Variants in ASIC2 observed in about 807,000 individuals in gnomAD.
ASIC2 encodes the protein acid-sensing ion channel 2.
In ASIC2, 25 loss-of-function variants were observed where a neutral mutation model predicts 57.3. The ratio of observed to expected loss-of-function variants is 0.44; its 90% CI spans 0.32 to 0.61. ASIC2 has a LOEUF of 0.61. Ranked by LOEUF, ASIC2 falls within the 20% of genes least tolerant of loss-of-function variation. The probability of loss-of-function intolerance (pLI) is 0.06; values close to 1 mark genes in which losing one functional copy is unlikely to be tolerated. For synonymous variants in ASIC2, 319 were observed against 307.5 expected (o/e 1.04, Z -0.39); for missense variants, 641 against 738.1 (o/e 0.87, Z 1.52).
chr17:34,031,973 C>G (rs991783068), intron 1 of ASIC2, among the ~76,000 whole-genome samples: 1 of 152,112 alleles, frequency 6.6e-6, no homozygotes, highest in African/African-American at 2.4e-5. Context: ...CCCAATCTAG[C>G]AAGGCAGACC....
chr17:33,667,131 G>A (rs905749823), intron 1 of ASIC2, among the ~76,000 whole-genome samples: 1 of 152,274 alleles, frequency 6.6e-6, no homozygotes, highest in African/African-American at 2.4e-5. Flanking sequence ...AGATAAGAAC[G>A]ATTCTAAATC....
chr17:33,935,109 C>A (rs1916031655), intron 1 of ASIC2, among the ~76,000 whole-genome samples: 1 of 152,248 alleles, frequency 6.6e-6, no homozygotes, highest in African/African-American at 2.4e-5. Context: ...GCATGCTTGC[C>A]CTGCCCCAAA....
rs1338313844 is a variant in ASIC2, at chr17:33,291,497, A to G, written c.619T>C (p.Phe207Leu). The G allele has an allele frequency of 1.9e-6, 3 of 1,612,718 alleles. No individual in the cohort carries two copies. The highest frequency in any genetic ancestry group is 2.5e-6 in the Non-Finnish European group (3 of 1,179,790). Residue 207 changes from phenylalanine (F) to leucine (L), a missense_variant, in exon 1 of 10, where the codon TTC (phenylalanine) becomes CTC (leucine). Phe to Leu is a conservative substitution (Grantham distance 22). This residue lies in a region of ASIC2 where 382 missense variants were observed against 398.0 expected (regional missense o/e 0.96). Coordinates refer to ENST00000225823, the MANE Select transcript of ASIC2 (RefSeq NM_183377.2). ...AGCTGGTGGCCCAGGCGGTCCATGAAGGCGGCGCTGATTCCCTCGAAGTGG... is the reference window on the plus strand; with the variant it reads ...AGCTGGTGGCCCAGGCGGTCCATGAGGGCGGCGCTGATTCCCTCGAAGTGG... The part of the protein sequence containing the change: ...PRHFEGISAA[F>L]MDRLGHQLED...
At chr17:33,481,096 A>G (rs1768549332) in intron 1 of ASIC2, among the ~76,000 whole-genome samples, 3 of 152,188 alleles carry the variant, frequency 2.0e-5, no homozygotes, top group Non-Finnish European at 4.4e-5. Flanking sequence ...CCTGTCCTGC[A>G]AAGTGCCCAT....
At chr17:33,369,782 C>T (rs1048738337) in intron 1 of ASIC2, among the ~76,000 whole-genome samples, 5 of 152,162 alleles carry the variant, frequency 3.3e-5, no homozygotes, top group Non-Finnish European at 5.9e-5. Flanking sequence ...TCCATTAGAG[C>T]ATGATTACTA....
intron 1 of ASIC2, among the ~76,000 whole-genome samples, chr17:33,571,215 C>T (rs1454632236): frequency 2.0e-5 from 3 of 152,148 alleles, no homozygotes; most frequent in Non-Finnish European, 2.9e-5. Context: ...TAGATCATCT[C>T]GACTCTCCTA....
intron 1 of ASIC2, among the ~76,000 whole-genome samples, chr17:33,694,012 A>T (rs1908452889): frequency 6.6e-6 from 1 of 152,298 alleles, no homozygotes; most frequent in African/African-American, 2.4e-5. Context: ...ATTTCCTTTG[A>T]CCATGCTACT....
intron 1 of ASIC2, among the ~76,000 whole-genome samples, chr17:33,716,681 A>G (rs2142080412): frequency 6.6e-6 from 1 of 152,254 alleles, no homozygotes. Context: ...GTCTGTTTGA[A>G]TATCATTTTA....
chr17:33,291,983 C>G lies in ASIC2; in HGVS notation c.133G>C (p.Glu45Gln). 2.3e-6 allele frequency: 3 copies of G among 1,291,718 alleles called. No individual in the cohort carries two copies. Among genetic ancestry groups the G allele is most frequent in the Admixed American group, 4.1e-5 (1 of 24,426 alleles). 80.0% of individuals were successfully genotyped at this position (1,291,718 alleles called of 1,614,324 possible). Residue 45 changes from glutamate (E) to glutamine (Q), a missense_variant, in exon 1 of 10, where the codon GAG (glutamate) becomes CAG (glutamine). By Grantham distance (29) the Glu-to-Gln change is conservative (BLOSUM62 2). Coordinates refer to ENST00000225823, the MANE Select transcript of ASIC2 (RefSeq NM_183377.2). The part of the protein sequence containing the change: ...AGQPGGGRGG[E>Q]RALQGPGVAR... ...ACCCCTGGCCCCTGCAGCGCCCGCT[C>G]GCCGCCTCTGCCGCCCCCGGGCTGC...
chr17:33,966,144 G>A (rs1905067236), intron 1 of ASIC2, among the ~76,000 whole-genome samples: 1 of 152,196 alleles, frequency 6.6e-6, no homozygotes, highest in Non-Finnish European at 1.5e-5. Context: ...GTGTTCCCTG[G>A]TCTCCATCTG....
At chr17:33,401,459 G>C (rs1338754030) in intron 1 of ASIC2, among the ~76,000 whole-genome samples, 1 of 151,900 alleles carries the variant, frequency 6.6e-6, no homozygotes, top group African/African-American at 2.4e-5. Flanking sequence ...CTCCCCTCCT[G>C]CCCTCCTTTG....
rs527269442 is a variant in ASIC2, at chr17:33,687,067, G to A, written c.555+468911C>T. Reference sequence around the variant, plus strand: ...TTGACTGTGTGTCCTTCGATGAGTGGCTTAGCATCTCTGGGTCTCAGTTTT... The same window carrying A: ...TTGACTGTGTGTCCTTCGATGAGTGACTTAGCATCTCTGGGTCTCAGTTTT... On this transcript the variant is annotated intron_variant, in intron 1 of 9. Transcript: ENST00000359872. Among the ~76,000 whole-genome samples, 14 of 152,200 alleles carry A rather than the reference G, an allele frequency of 9.2e-5. No individual in the cohort carries two copies. The South Asian group carries it at 1.0e-3, about 11-fold the overall frequency.
At chr17:33,344,681 T>G (rs1463961368) in intron 1 of ASIC2, among the ~76,000 whole-genome samples, 4 of 152,196 alleles carry the variant, frequency 2.6e-5, no homozygotes, top group Non-Finnish European at 2.9e-5. Context: ...TTGTTTATAG[T>G]AGATCTCTCT....
At chr17:33,386,790 A>G (rs1857738) in intron 1 of ASIC2, among the ~76,000 whole-genome samples, 145,434 of 152,246 alleles carry the variant, frequency 0.96, 69,535 homozygotes, top group East Asian at 0.98. Flanking sequence ...CATTTACTGC[A>G]TGACTCGCAG....
chr17:33,058,379 G>A (rs555968780), intron 3 of ASIC2, among the ~76,000 whole-genome samples: 2 of 145,246 alleles, frequency 1.4e-5, no homozygotes, highest in Admixed American at 7.1e-5. Flanking sequence ...TTATTTTTTA[G>A]CAAGCCAACT....
intron 1 of ASIC2, chr17:34,039,853 C>G (rs377200924): frequency 6.2e-7 from 1 of 1,605,520 alleles, no homozygotes; most frequent in African/African-American, 1.3e-5. Context: ...TGGGTCCAGG[C>G]TATGCAATTC....
At chr17:33,110,285 C>A (rs2092251836) in intron 2 of ASIC2, among the ~76,000 whole-genome samples, 1 of 152,184 alleles carries the variant, frequency 6.6e-6, no homozygotes, top group Non-Finnish European at 1.5e-5. Context: ...AGACTCCACC[C>A]CCTGGACTCC....
intron 1 of ASIC2, among the ~76,000 whole-genome samples, chr17:33,373,528 A>C (rs1909164158): frequency 6.6e-6 from 1 of 152,224 alleles, no homozygotes; most frequent in Non-Finnish European, 1.5e-5. Context: ...CAAGATTAGG[A>C]TTCTGAGAGA....
At chr17:33,762,972 C>A (rs1018468860) in intron 1 of ASIC2, among the ~76,000 whole-genome samples, 1 of 152,162 alleles carries the variant, frequency 6.6e-6, no homozygotes, top group African/African-American at 2.4e-5. Flanking sequence ...AGAGTAGGCC[C>A]CATCTTTGCA....
Sources: gnomAD v4.1 joint callset for allele counts (sites outside exome capture counted in the v4.1 genomes callset) on GRCh38, gnomAD v4.1.1 for gene constraint, gnomAD v4.1.1 regional missense constraint, MANE v1.5 for transcripts, NCBI Gene and HGNC (gene_info 2026-07-23, HGNC 2026-07-21) for gene names.